The following DTNBP1 variants were observed in gnomAD, a reference collection of about 807,000 sequenced individuals.
DTNBP1 encodes dysbindin.
In DTNBP1, 35 loss-of-function variants were observed where a neutral mutation model predicts 42.8. The ratio of observed to expected loss-of-function variants is 0.82; its 90% CI spans 0.63 to 1.09. The LOEUF (loss-of-function observed/expected upper bound fraction) is 1.09, where lower values mean the gene tolerates loss of function less well. Among genes scored for constraint, DTNBP1 ranks in the 50% least tolerant of loss-of-function variants. The pLI, the probability that DTNBP1 is intolerant of heterozygous loss-of-function variation, is 0.00. For missense variants in DTNBP1, 457 were observed against 424.2 expected (o/e 1.08, Z -0.68); for synonymous variants, 171 against 162.2 (o/e 1.05, Z -0.41).
At chr6:15,557,543 G>C (rs865959213) in intron 7 of DTNBP1, among the ~76,000 whole-genome samples, 1 of 152,102 alleles carries the variant, frequency 6.6e-6, no homozygotes, top group South Asian at 2.1e-4. Flanking sequence ...TGGTCAAACT[G>C]ATTAAGACTG....
chr6:15,627,482 C>T lies in DTNBP1; in HGVS notation c.223-7G>A. The T allele has an allele frequency of 1.9e-6, 3 of 1,613,772 alleles. No homozygotes were observed. Among genetic ancestry groups the T allele is most frequent in the Non-Finnish European group, 2.5e-6 (3 of 1,179,882 alleles). The stretch of plus-strand genomic sequence containing the variant: ...CCACCTCGCTATCCACCAGCTGCAG[C>T]ACACAAGAAGGGGGGTAAAGTGAAA... On this transcript the variant is annotated splice_polypyrimidine_tract_variant and splice_region_variant and intron_variant, in intron 4 of 9. Coordinates refer to ENST00000344537, the MANE Select transcript of DTNBP1 (RefSeq NM_032122.5).
chr6:15,651,721 A>G (rs1471941797), intron 2 of DTNBP1, among the ~76,000 whole-genome samples: 1 of 152,216 alleles, frequency 6.6e-6, no homozygotes, highest in African/African-American at 2.4e-5. Context: ...TGGTGTTTTC[A>G]TACAAAACAG....
At position 15,646,676 on chromosome 6, in the gene DTNBP1, G is replaced by A. The variant is rs116757055; in HGVS notation, c.161+4637C>T. ...GTACTAGTATAAAAATAGACACACA[G>A]ATCAATGGAACAGGATAGAGAATCC... On this transcript the variant is annotated intron_variant, in intron 3 of 9. Transcript: ENST00000344537. Among the ~76,000 whole-genome samples, 1,294 of 152,084 alleles carry A rather than the reference G, an allele frequency of 8.5e-3. 26 individuals are homozygous for A. The highest frequency in any genetic ancestry group is 0.029 in the African/African-American group (1,222 of 41,522).
chr6:15,606,720 T>C (rs1758078519), intron 6 of DTNBP1, among the ~76,000 whole-genome samples: 1 of 152,204 alleles, frequency 6.6e-6, no homozygotes, highest in African/African-American at 2.4e-5. Context: ...AAAAAATGCA[T>C]GCACATAAGC....
intron 8 of DTNBP1, among the ~76,000 whole-genome samples, chr6:15,530,883 G>T (rs1006976279): frequency 6.6e-6 from 1 of 152,096 alleles, no homozygotes; most frequent in Non-Finnish European, 1.5e-5. Context: ...AAATGTGTGG[G>T]TCGGCCAGGG....
chr6:15,581,489 T>G (rs1468619615), intron 7 of DTNBP1, among the ~76,000 whole-genome samples: 4 of 147,098 alleles, frequency 2.7e-5, no homozygotes, highest in African/African-American at 1.0e-4. Flanking sequence ...TTTTTTTTTT[T>G]TTTTTTTTTG....
chr6:15,571,918 T>C (rs541741243), intron 7 of DTNBP1, among the ~76,000 whole-genome samples: 1 of 152,290 alleles, frequency 6.6e-6, no homozygotes, highest in South Asian at 2.1e-4. Flanking sequence ...CTATTGCACA[T>C]TTGTTAATAA....
At chr6:15,662,090 G>A (rs139319306) in intron 1 of DTNBP1, among the ~76,000 whole-genome samples, 1 of 152,224 alleles carries the variant, frequency 6.6e-6, no homozygotes, top group African/African-American at 2.4e-5. Context: ...TCAACAGGTA[G>A]GGGGTGAGAC....
intron 3 of DTNBP1, 94 bp from the exon 4 acceptor site, chr6:15,637,898 AAGG>A (rs1303988287): frequency 1.5e-6 from 2 of 1,339,252 alleles, no homozygotes; most frequent in Non-Finnish European, 2.1e-6. Flanking sequence ...TGGTGCTAGA[AAGG>A]AAACACTCAA....
At chr6:15,581,121 G>A (rs1240443084) in intron 7 of DTNBP1, among the ~76,000 whole-genome samples, 1 of 152,198 alleles carries the variant, frequency 6.6e-6, no homozygotes, top group African/African-American at 2.4e-5. Flanking sequence ...GGACTTCAAA[G>A]TTTTTCTAAG....
intron 6 of DTNBP1, among the ~76,000 whole-genome samples, chr6:15,593,455 G>A (rs913443545): frequency 1.1e-4 from 16 of 152,172 alleles, no homozygotes; most frequent in Admixed American, 8.5e-4. Flanking sequence ...TTTCCTTGAT[G>A]GATAAATATT....
intron 7 of DTNBP1, among the ~76,000 whole-genome samples, chr6:15,570,093 CCTG>C (rs1414266977): frequency 6.6e-6 from 1 of 151,942 alleles, no homozygotes; most frequent in Non-Finnish European, 1.5e-5. Context: ...CAGGGGTAGA[CCTG>C]CTAACCAGCA....
At chr6:15,601,388 C>A (rs1232951640) in intron 6 of DTNBP1, among the ~76,000 whole-genome samples, 1 of 152,006 alleles carries the variant, frequency 6.6e-6, no homozygotes, top group East Asian at 1.9e-4. Context: ...TTAACTTTCC[C>A]CAAACTAGTC....
chr6:15,557,140 A>G (rs554794006), intron 7 of DTNBP1, among the ~76,000 whole-genome samples: 2 of 152,304 alleles, frequency 1.3e-5, no homozygotes, highest in South Asian at 2.1e-4. Context: ...AGTTAATACC[A>G]TAACATACGT....
At chr6:15,615,528 A>G in intron 5 of DTNBP1, 129 bp from the exon 6 acceptor site, 1 of 1,256,820 alleles carries the variant, frequency 8.0e-7, no homozygotes, top group Non-Finnish European at 1.1e-6. Flanking sequence ...TTTTTATTAA[A>G]CTTTCTTGAA....
At chr6:15,651,820 T>C (rs573656543) in intron 2 of DTNBP1, among the ~76,000 whole-genome samples, 2 of 152,338 alleles carry the variant, frequency 1.3e-5, no homozygotes, top group East Asian at 3.8e-4. Context: ...TTTGCTCTTA[T>C]ACAAATTAAA....
intron 6 of DTNBP1, among the ~76,000 whole-genome samples, chr6:15,602,664 A>T: frequency 6.6e-6 from 1 of 152,222 alleles, no homozygotes; most frequent in Non-Finnish European, 1.5e-5. Context: ...TATAATGTAC[A>T]AACTATAATC....
At position 15,645,613 on chromosome 6, in the gene DTNBP1, G is replaced by A. The variant is rs558103301; in HGVS notation, c.161+5700C>T. Among the ~76,000 whole-genome samples the A allele has an allele frequency of 2.2e-3, 335 of 152,182 alleles. 1 individual carries two copies. Among genetic ancestry groups the A allele is most frequent in the African/African-American group, 7.7e-3 (319 of 41,532 alleles). On this transcript the variant is annotated intron_variant, in intron 3 of 9. Coordinates refer to ENST00000344537, the MANE Select transcript of DTNBP1 (RefSeq NM_032122.5). ...CCATGATCAAGTGGGTTTAACCCTT[G>A]GATGCAAGGACGGTTCAACAAACAC...
At chr6:15,548,693 A>T (rs1389180464) in intron 7 of DTNBP1, among the ~76,000 whole-genome samples, 2 of 152,240 alleles carry the variant, frequency 1.3e-5, no homozygotes, top group African/African-American at 4.8e-5. Context: ...TTACAAAAGA[A>T]TCTTGAGAAA....
Sources: gnomAD v4.1 joint callset for allele counts (sites outside exome capture counted in the v4.1 genomes callset) on GRCh38, gnomAD v4.1.1 for gene constraint, MANE v1.5 for transcripts, NCBI Gene and HGNC (gene_info 2026-07-23, HGNC 2026-07-21) for gene names.